Variants in SFT2D2 observed in about 807,000 individuals in gnomAD.
SFT2D2 encodes SFT2 domain containing 2, also known as vesicle transport protein SFT2B.
A neutral mutation model predicts 27.4 loss-of-function variants in SFT2D2; 21 were observed. That is an observed-to-expected ratio of 0.77 (90% CI 0.54 to 1.10). The LOEUF (loss-of-function observed/expected upper bound fraction) is 1.10. Among genes scored for constraint, SFT2D2 ranks in the 50% least tolerant of loss-of-function variants. The pLI is 0.00. For synonymous variants in SFT2D2, 72 were observed against 71.7 expected (o/e 1.00, Z -0.02); for missense variants, 187 against 194.2 (o/e 0.96, Z 0.22).
In SFT2D2 at chr1:168,251,703, T is replaced by A. The variant is rs983042507; in HGVS notation, c.*9163T>A. The A allele has an allele frequency of 9.9e-5, 15 of 152,048 alleles. No individual in the cohort carries two copies. The highest frequency in any genetic ancestry group is 2.7e-4 in the African/African-American group (11 of 41,426). 9.4% of individuals were successfully genotyped at this position (152,048 alleles called of 1,614,324 possible). On this transcript the variant is annotated 3_prime_UTR_variant, in exon 8 of 8. Coordinates refer to ENST00000271375, the MANE Select transcript of SFT2D2 (RefSeq NM_199344.3). ...GATTTTTGTCCTAGTTTTTTTTTTT[T>A]AATTTAAAAATCTTAAGTTTTTTTT...
chr1:168,250,811 T>G lies in SFT2D2; in HGVS notation c.*8271T>G, dbSNP rs1459359579. 1 of 152,146 alleles carries G rather than the reference T, an allele frequency of 6.6e-6. No individual in the cohort carries two copies. Among genetic ancestry groups the G allele is most frequent in the Non-Finnish European group, 1.5e-5 (1 of 68,078 alleles). 9.4% of individuals were successfully genotyped at this position (152,146 alleles called of 1,614,324 possible). A position where few individuals can be genotyped will look rare whatever the true frequency, so the allele number is the denominator to read the frequency against. On this transcript the variant is annotated 3_prime_UTR_variant, in exon 8 of 8. Coordinates refer to ENST00000271375, the MANE Select transcript of SFT2D2 (RefSeq NM_199344.3). ...GCATAGCCGTAGCTCAGATCCTAGC[T>G]CAAGATGTCTTGTCTGGGAAGGGCA...
At chr1:168,239,058 A>T (rs774802158) in intron 6 of SFT2D2, 73 bp from the exon 7 acceptor site, 2 of 1,138,728 alleles carry the variant, frequency 1.8e-6, no homozygotes, top group Admixed American at 1.7e-5. Flanking sequence ...CTTACAGCTC[A>T]GAAGCCCATT....
rs1647334487 is a variant in SFT2D2, at chr1:168,231,976, T to C, written c.236+57T>C. The stretch of plus-strand genomic sequence containing the variant: ...AATCATTAGATGGGAAAATGGATGT[T>C]GGTTGCCCTTGAGGGAGGTGAAAGA... On this transcript the variant is annotated intron_variant, in intron 3 of 7. Coordinates refer to ENST00000271375, the MANE Select transcript of SFT2D2 (RefSeq NM_199344.3). 5 of 1,495,532 alleles carry C rather than the reference T, an allele frequency of 3.3e-6. No homozygotes were observed. The Admixed American group carries it at 5.1e-5, about 15-fold the overall frequency. The allele number at this position is 1,495,532 out of a possible 1,614,324, so 92.6% of individuals were successfully genotyped here.
Position 168,226,059 on chromosome 1 carries a change from G to C in SFT2D2, c.-21G>C, listed in dbSNP as rs2102326207. ...AACAGGCTGCCGCTGAGGAGCTGGA[G>C]CTGGTGGGGACTGGGCCGCAATGGA... On this transcript the variant is annotated 5_prime_UTR_variant, in exon 1 of 8. Coordinates refer to ENST00000271375, the MANE Select transcript of SFT2D2 (RefSeq NM_199344.3). The C allele has an allele frequency of 2.7e-6, 4 of 1,508,294 alleles. No individual in the cohort carries two copies. The highest frequency in any genetic ancestry group is 3.6e-6 in the Non-Finnish European group (4 of 1,125,786). 93.4% of individuals were successfully genotyped at this position (1,508,294 alleles called of 1,614,324 possible). A position where few individuals can be genotyped will look rare whatever the true frequency, so the allele number is the denominator to read the frequency against.
chr1:168,250,418 A>ATTCCC lies in SFT2D2; in HGVS notation c.*7888_*7892dup, dbSNP rs1473072890. 1 of 152,268 alleles carries ATTCCC rather than the reference A, an allele frequency of 6.6e-6. No individual in the cohort carries two copies. The highest frequency in any genetic ancestry group is 1.5e-5 in the Non-Finnish European group (1 of 68,084). 9.4% of individuals were successfully genotyped at this position (152,268 alleles called of 1,614,324 possible). ...GGTCTCTGTCTCCCTGCTGCCCTGC[A>ATTCCC]TTCCCTTCCCTTCCGTTCACTGCTG... On this transcript the variant is annotated 3_prime_UTR_variant, in exon 8 of 8. Coordinates refer to ENST00000271375, the MANE Select transcript of SFT2D2 (RefSeq NM_199344.3).
In SFT2D2 at chr1:168,246,747, A is replaced by G. The variant is rs1392332110; in HGVS notation, c.*4207A>G. ...TTGCCTGCTTTGTTTTTCCTTCTCC[A>G]GTTTAGAACGGAGCATTGTGTTCTC... On this transcript the variant is annotated 3_prime_UTR_variant, in exon 8 of 8. Coordinates refer to ENST00000271375, the MANE Select transcript of SFT2D2 (RefSeq NM_199344.3). 9 of 809,868 alleles carry G rather than the reference A, an allele frequency of 1.1e-5. No individual in the cohort carries two copies. The highest frequency in any genetic ancestry group is 1.9e-5 in the Admixed American group (1 of 51,658). 50.2% of individuals were successfully genotyped at this position (809,868 alleles called of 1,614,324 possible).
At chr1:168,235,776 TTG>T (rs1647476168) in intron 4 of SFT2D2, among the ~76,000 whole-genome samples, 1 of 152,228 alleles carries the variant, frequency 6.6e-6, no homozygotes, top group South Asian at 2.1e-4. Flanking sequence ...TTCCCTGTGG[TTG>T]TCAAAATCAT....
rs1647835264 is a variant in SFT2D2 at position 168,247,031 on chromosome 1, A to T, written c.*4491A>T. The T allele has an allele frequency of 2.1e-6, 1 of 475,844 alleles. No homozygotes were observed. The highest frequency in any genetic ancestry group is 2.9e-5 in the Admixed American group (1 of 35,042). 29.5% of individuals were successfully genotyped at this position (475,844 alleles called of 1,614,324 possible). On this transcript the variant is annotated 3_prime_UTR_variant, in exon 8 of 8. Transcript: ENST00000271375. ...GACTATCAGAAATCTCAAACTGCAG[A>T]GTTCTTGTTCCCATTCAAGTTTTTG...
chr1:168,227,370 T>A (rs1431388624), intron 1 of SFT2D2, among the ~76,000 whole-genome samples: 1 of 152,152 alleles, frequency 6.6e-6, no homozygotes, highest in East Asian at 1.9e-4. Flanking sequence ...AGCAAGTTCT[T>A]CTTTCTCAGC....
rs1647636944 is a variant in SFT2D2 at position 168,241,234 on chromosome 1, G to A, written c.444-1267G>A. Among the ~76,000 whole-genome samples the A allele has an allele frequency of 2.5e-5, 3 of 122,018 alleles. No individual in the cohort carries two copies. The South Asian group carries it at 7.9e-4, about 32-fold the overall frequency. 80.0% of individuals were successfully genotyped at this position (122,018 alleles called of 152,430 possible). A position where few individuals can be genotyped will look rare whatever the true frequency, so the allele number is the denominator to read the frequency against. ...TTTTTTTTTTTTTTTTTGAGATGGA[G>A]TCTCACTCTATGGCCCAGGCTGGAG... On this transcript the variant is annotated intron_variant, in intron 7 of 7. Transcript: ENST00000271375.
At chr1:168,233,314 T>C (rs1222766516) in intron 3 of SFT2D2, among the ~76,000 whole-genome samples, 3 of 152,202 alleles carry the variant, frequency 2.0e-5, no homozygotes, top group Admixed American at 2.0e-4. Flanking sequence ...TTTTCCTGAT[T>C]ACCTCCTCCT....
At chr1:168,227,513 G>A (rs1023357674) in intron 1 of SFT2D2, among the ~76,000 whole-genome samples, 1 of 152,224 alleles carries the variant, frequency 6.6e-6, no homozygotes, top group Non-Finnish European at 1.5e-5. Context: ...AATTCTATGG[G>A]ATCGAATGTT....
intron 1 of SFT2D2, among the ~76,000 whole-genome samples, chr1:168,230,837 T>G (rs1437990499): frequency 6.6e-6 from 1 of 152,096 alleles, no homozygotes. Context: ...CCTGTTTCAG[T>G]AGTGTTTTTG....
chr1:168,247,418 T>G lies in SFT2D2; in HGVS notation c.*4878T>G, dbSNP rs1371571938. 1 of 163,462 alleles carries G rather than the reference T, an allele frequency of 6.1e-6. No individual in the cohort carries two copies. Among genetic ancestry groups the G allele is most frequent in the Non-Finnish European group, 1.3e-5 (1 of 75,738 alleles). The allele number at this position is 163,462 out of a possible 1,614,324, so 10.1% of individuals were successfully genotyped here. A position where few individuals can be genotyped will look rare whatever the true frequency, so the allele number is the denominator to read the frequency against. ...ACTCCCACTTATGAGTGAGAACATG[T>G]GGTGTTTGGTTTTCTGTTCTTGTGT... On this transcript the variant is annotated 3_prime_UTR_variant, in exon 8 of 8. Coordinates refer to ENST00000271375, the MANE Select transcript of SFT2D2 (RefSeq NM_199344.3).
intron 3 of SFT2D2, among the ~76,000 whole-genome samples, chr1:168,234,860 C>T (rs1647443626): frequency 6.6e-6 from 1 of 152,156 alleles, no homozygotes; most frequent in Non-Finnish European, 1.5e-5. Flanking sequence ...CTATCATTCC[C>T]TAGTTGGGTG....
rs999678792 is a variant in SFT2D2 at position 168,250,018 on chromosome 1, T to G, written c.*7478T>G. 6.6e-6 allele frequency: 1 copy of G among 152,218 alleles called. No homozygotes were observed. The highest frequency in any genetic ancestry group is 2.4e-5 in the African/African-American group (1 of 41,456). 9.4% of individuals were successfully genotyped at this position (152,218 alleles called of 1,614,324 possible). The stretch of plus-strand genomic sequence containing the variant: ...TGACTGCCCAGTGAATGGTATTGCC[T>G]CCATCCTCTGAGAAGGTAAAGAGCC... On this transcript the variant is annotated 3_prime_UTR_variant, in exon 8 of 8. Coordinates refer to ENST00000271375, the MANE Select transcript of SFT2D2 (RefSeq NM_199344.3).
At chr1:168,238,400 A>G (rs1245783116) in intron 6 of SFT2D2, among the ~76,000 whole-genome samples, 1 of 152,154 alleles carries the variant, frequency 6.6e-6, no homozygotes, top group African/African-American at 2.4e-5. Flanking sequence ...CTCACACTGT[A>G]ATGCCAAGAC....
At chr1:168,234,770 CCT>C (rs948234609) in intron 3 of SFT2D2, among the ~76,000 whole-genome samples, 27 of 152,258 alleles carry the variant, frequency 1.8e-4, no homozygotes, top group African/African-American at 5.3e-4. Context: ...CAAGGTAACA[CCT>C]CTCAAGGAGA....
intron 7 of SFT2D2, among the ~76,000 whole-genome samples, chr1:168,240,696 G>A (rs528212403): frequency 6.6e-6 from 1 of 152,208 alleles, no homozygotes; most frequent in Non-Finnish European, 1.5e-5. Context: ...TGCGGATCAC[G>A]AGGTCAGGAG....
Sources: allele counts gnomAD v4.1 joint callset (sites outside exome capture counted in the v4.1 genomes callset), GRCh38; gene constraint gnomAD v4.1.1; transcripts MANE v1.5; gene names NCBI Gene and HGNC (gene_info 2026-07-23, HGNC 2026-07-21).